The following DLGAP1 variants were observed in gnomAD, a reference collection of about 807,000 sequenced individuals.
DLGAP1 encodes DLG associated protein 1.
A neutral mutation model predicts 90.8 loss-of-function variants in DLGAP1; 11 were observed. That is an observed-to-expected ratio of 0.12 (90% CI 0.08 to 0.20). DLGAP1 has a LOEUF of 0.20. Among genes scored for constraint, DLGAP1 ranks in the 10% least tolerant of loss-of-function variants. The pLI is 1.00. For synonymous variants in DLGAP1, 558 were observed against 540.7 expected (o/e 1.03, Z -0.44); for missense variants, 1,050 against 1,333.8 (o/e 0.79, Z 3.31).
At chr18:3,855,601 AAATT>A (rs974844429) in intron 4 of DLGAP1, among the ~76,000 whole-genome samples, 3 of 152,134 alleles carry the variant, frequency 2.0e-5, no homozygotes, top group Admixed American at 6.6e-5. Flanking sequence ...AGATTTTAAA[AAATT>A]AATTAATTAA....
In DLGAP1 at chr18:3,526,863, A is replaced by T. The variant is rs1044629559; in HGVS notation, c.2479+7331T>A. On this transcript the variant is annotated intron_variant, in intron 10 of 12. Transcript: ENST00000315677. The surrounding 1 kb of genome is among the most constrained non-coding windows in gnomAD (Gnocchi z 4.7). ...GACAGCTGTTTCACACAAGGGCTTC[A>T]TTGTCTGAGAAGAGCTCGTATCATT... Among the ~76,000 whole-genome samples the T allele has an allele frequency of 6.6e-6, 1 of 152,126 alleles. No homozygotes were observed. Among genetic ancestry groups the T allele is most frequent in the Admixed American group, 6.6e-5 (1 of 15,260 alleles).
intron 4 of DLGAP1, among the ~76,000 whole-genome samples, chr18:3,831,012 G>A (rs2068003926): frequency 6.6e-6 from 1 of 152,206 alleles, no homozygotes; most frequent in Admixed American, 6.5e-5. Flanking sequence ...CCAAGGGCAG[G>A]GAAGAAACCT....
intron 4 of DLGAP1, among the ~76,000 whole-genome samples, chr18:3,865,765 G>T (rs1361508391): frequency 1.3e-5 from 2 of 152,040 alleles, no homozygotes; most frequent in Non-Finnish European, 2.9e-5. Flanking sequence ...ATAAAACAGG[G>T]GTCAGAACGG....
intron 2 of DLGAP1, among the ~76,000 whole-genome samples, chr18:4,022,110 T>C (rs1174247774): frequency 6.6e-6 from 1 of 152,204 alleles, no homozygotes; most frequent in South Asian, 2.1e-4. Flanking sequence ...GTTGGTGTTT[T>C]TATAGTATTG....
chr18:3,831,532 T>G (rs1443413892), intron 4 of DLGAP1, among the ~76,000 whole-genome samples: 2 of 152,204 alleles, frequency 1.3e-5, no homozygotes, highest in African/African-American at 4.8e-5. Flanking sequence ...CAATATAGAA[T>G]TCTGAATACA....
At chr18:4,384,453 C>T (rs73384996) in intron 1 of DLGAP1, among the ~76,000 whole-genome samples, 6,448 of 152,194 alleles carry the variant, frequency 0.042, 430 homozygotes, top group African/African-American at 0.15. Context: ...AATGTAATAG[C>T]AGGGATTAGT....
At chr18:4,393,370 A>G (rs2082376700) in intron 1 of DLGAP1, among the ~76,000 whole-genome samples, 1 of 152,058 alleles carries the variant, frequency 6.6e-6, no homozygotes, top group South Asian at 2.1e-4. Context: ...TTTGGTGAAC[A>G]TGCCAGTCTC....
intron 1 of DLGAP1, among the ~76,000 whole-genome samples, chr18:4,287,256 T>A (rs1027672262): frequency 2.0e-5 from 3 of 152,164 alleles, no homozygotes; most frequent in African/African-American, 4.8e-5. Context: ...AAACAACAGA[T>A]GCTGGAGAGG....
chr18:3,753,892 G>A (rs1226088684), intron 5 of DLGAP1, among the ~76,000 whole-genome samples: 4 of 152,182 alleles, frequency 2.6e-5, no homozygotes, highest in Non-Finnish European at 4.4e-5. Flanking sequence ...GGAATCTGTG[G>A]GGGATTGGTT....
At chr18:3,967,831 AAAATCACCC>A (rs1463438949) in intron 3 of DLGAP1, among the ~76,000 whole-genome samples, 1 of 152,064 alleles carries the variant, frequency 6.6e-6, no homozygotes, top group Non-Finnish European at 1.5e-5. Context: ...GGCTTCTGAG[AAAATCACCC>A]AACTATGCAG....
chr18:4,409,920 C>T (rs2082740388), intron 1 of DLGAP1, among the ~76,000 whole-genome samples: 1 of 152,050 alleles, frequency 6.6e-6, no homozygotes, highest in South Asian at 2.1e-4. Flanking sequence ...GACCGTCAGT[C>T]AACGAGTGGA....
At chr18:3,507,736 GTTTTTTTT>G (rs386386884) in intron 11 of DLGAP1, among the ~76,000 whole-genome samples, 2 of 89,964 alleles carry the variant, frequency 2.2e-5, no homozygotes, top group Admixed American at 1.7e-4. Context: ...ATTCTTGAAG[GTTTTTTTT>G]TTTTTTTTTT....
chr18:4,220,919 C>T (rs2078061534), intron 1 of DLGAP1, among the ~76,000 whole-genome samples: 1 of 152,084 alleles, frequency 6.6e-6, no homozygotes, highest in South Asian at 2.1e-4. Flanking sequence ...CATATTTTCA[C>T]TGTGCTTTTT....
At chr18:3,590,121 G>A (rs896127797) in intron 7 of DLGAP1, among the ~76,000 whole-genome samples, 3 of 152,124 alleles carry the variant, frequency 2.0e-5, no homozygotes, top group Non-Finnish European at 4.4e-5. Flanking sequence ...TGTTGGTCAG[G>A]CTGGTCTCGA....
intron 3 of DLGAP1, chr18:3,896,914 G>T (rs996672356): frequency 8.5e-5 from 13 of 152,320 alleles, no homozygotes; most frequent in Admixed American, 2.0e-4. Context: ...ATTCAGGAGG[G>T]TTACACAAAG....
chr18:4,320,382 T>G (rs1175587960), intron 1 of DLGAP1, among the ~76,000 whole-genome samples: 19 of 152,202 alleles, frequency 1.2e-4, no homozygotes, highest in Non-Finnish European at 2.2e-4. Flanking sequence ...ATTAAATATA[T>G]TTATTTTTTA....
chr18:3,733,870 C>G (rs2062538493), intron 6 of DLGAP1, among the ~76,000 whole-genome samples: 6 of 152,128 alleles, frequency 3.9e-5, no homozygotes, highest in Admixed American at 3.9e-4. Context: ...CAGCATAAAC[C>G]ATTCCTGTTA....
Position 4,310,862 on chromosome 18 carries a change from C to T in DLGAP1, c.-267+144144G>A, listed in dbSNP as rs567394808. 2.0e-5 allele frequency among the ~76,000 whole-genome samples: 3 copies of T among 152,268 alleles called. No homozygotes were observed. The East Asian group carries it at 5.8e-4, about 29-fold the overall frequency. ...CATTCTCATATATAAGACACAGCCT[C>T]CCTAGCCCAGTTCTTTACATCATCT... On this transcript the variant is annotated intron_variant, in intron 1 of 12. Transcript: ENST00000315677.
At chr18:3,529,246 C>A (rs767836672) in intron 10 of DLGAP1, among the ~76,000 whole-genome samples, 21 of 152,148 alleles carry the variant, frequency 1.4e-4, no homozygotes, top group Non-Finnish European at 2.6e-4. Flanking sequence ...ATCAAGGAGG[C>A]CCAGGAAGCT....
Sources: allele counts gnomAD v4.1 joint callset (sites outside exome capture counted in the v4.1 genomes callset), GRCh38; gene constraint gnomAD v4.1.1; non-coding constraint Gnocchi (gnomAD v3.1); transcripts MANE v1.5; gene names NCBI Gene and HGNC (gene_info 2026-07-23, HGNC 2026-07-21).